AP5Z1: variants seen among roughly 807,000 people sequenced by gnomAD.
The protein encoded by AP5Z1 is AP-5 complex subunit zeta-1.
In AP5Z1, 106 loss-of-function variants were observed where a neutral mutation model predicts 83.0. The ratio of observed to expected loss-of-function variants is 1.28; its 90% CI spans 1.09 to 1.50. AP5Z1 has a LOEUF of 1.50. Ranked by LOEUF, AP5Z1 falls within the 40% of genes most tolerant of loss-of-function variation. The pLI is 0.00. For missense variants in AP5Z1, 1,565 were observed against 1,094.2 expected (o/e 1.43, Z -6.07); for synonymous variants, 751 against 514.1 (o/e 1.46, Z -6.23).
intron 12 of AP5Z1, 111 bp downstream of exon 12, chr7:4,788,405 C>A: frequency 7.7e-7 from 1 of 1,296,108 alleles, no homozygotes; most frequent in East Asian, 2.6e-5. Context: ...GCTTTGTGTC[C>A]CACACAAGGC....
At chr7:4,776,780 G>A (rs1012871459) in intron 1 of AP5Z1, among the ~76,000 whole-genome samples, 1 of 151,954 alleles carries the variant, frequency 6.6e-6, no homozygotes, top group African/African-American at 2.4e-5. Context: ...CAGCACTACA[G>A]CCCCTTGGTA....
rs541159272 is a variant in AP5Z1, at chr7:4,785,309, C to G, written c.932-106C>G. The G allele has an allele frequency of 1.5e-4, 224 of 1,454,666 alleles. 2 individuals carry two copies. In the African/African-American group the frequency reaches 2.8e-3, roughly 18 times the overall value. The allele number at this position is 1,454,666 out of a possible 1,614,324, so 90.1% of individuals were successfully genotyped here. ...AAGTCCTCCTGGGGGCCTGTCCCAC[C>G]CCCCTGCTCCCGGTCCTGCCTGGAG... On this transcript the variant is annotated intron_variant, in intron 7 of 16. Transcript: ENST00000649063.
chr7:4,789,143 T>A, intron 13 of AP5Z1, 192 bp downstream of exon 13: 1 of 550,016 alleles, frequency 1.8e-6, no homozygotes, highest in Non-Finnish European at 3.2e-6. Flanking sequence ...TCCCATCCCC[T>A]TTATTCCAGC....
chr7:4,791,627 G>C lies in AP5Z1; in HGVS notation c.*242G>C. The C allele has an allele frequency of 1.7e-6, 1 of 583,202 alleles. No homozygotes were observed. The highest frequency in any genetic ancestry group is 2.8e-5 in the South Asian group (1 of 35,590). 36.1% of individuals were successfully genotyped at this position (583,202 alleles called of 1,614,324 possible). On this transcript the variant is annotated 3_prime_UTR_variant, in exon 17 of 17. Coordinates refer to ENST00000649063, the MANE Select transcript of AP5Z1 (RefSeq NM_014855.3). ...CTGAGCTGAGGGGTGCCATGGAGCG[G>C]CTCTGATTGGAGGCTTGAGGCCCTG... is the stretch of plus-strand genomic sequence containing the variant.
chr7:4,779,971 G>C (rs1781337022), intron 1 of AP5Z1, among the ~76,000 whole-genome samples: 1 of 151,976 alleles, frequency 6.6e-6, no homozygotes, highest in Admixed American at 6.6e-5. Flanking sequence ...TGTAGAGATG[G>C]GGTCTCACTG....
At position 4,793,233 on chromosome 7, in the gene AP5Z1, G is replaced by A. The variant is rs1384596916; in HGVS notation, c.*1848G>A. The A allele has an allele frequency of 1.3e-5, 2 of 152,308 alleles. No individual in the cohort carries two copies. Among genetic ancestry groups the A allele is most frequent in the Admixed American group, 6.5e-5 (1 of 15,294 alleles). The allele number at this position is 152,308 out of a possible 1,614,324, so 9.4% of individuals were successfully genotyped here. A position where few individuals can be genotyped will look rare whatever the true frequency, so the allele number is the denominator to read the frequency against. ...GGCCTCCAGGAGGCAGCTGGGAAAA[G>A]GGCAAAGCTCACCAGCTCTCAACTT... On this transcript the variant is annotated 3_prime_UTR_variant, in exon 17 of 17. Coordinates refer to ENST00000649063, the MANE Select transcript of AP5Z1 (RefSeq NM_014855.3).
chr7:4,787,282 G>A (rs540357058), intron 10 of AP5Z1, among the ~76,000 whole-genome samples: 1 of 152,056 alleles, frequency 6.6e-6, no homozygotes, highest in African/African-American at 2.4e-5. Flanking sequence ...CTTGAGGCCA[G>A]GAGTTCAAGA....
chr7:4,777,276 C>T (rs1026935463), intron 1 of AP5Z1, among the ~76,000 whole-genome samples: 21 of 152,114 alleles, frequency 1.4e-4, no homozygotes, highest in African/African-American at 4.8e-4. Flanking sequence ...GAAAAACACC[C>T]ACTGAGAACT....
Position 4,787,635 on chromosome 7 carries a change from TC to T in AP5Z1, c.1315del (p.Leu439TrpfsTer38), listed in dbSNP as rs1313447681. The stretch of plus-strand genomic sequence containing the variant: ...CGAACCGCTGTGCTGTGCCCACAGT[TC>T]CTGGCCTGGAACAGCCCACCCCTCA... ...LRLSFPNLFK[F>X]LAWNSPPLTS... On this transcript the variant is annotated frameshift_variant and splice_region_variant, in exon 11 of 17. Transcript: ENST00000649063. LOFTEE classifies it high-confidence loss of function. 7 of 1,551,562 alleles carry T rather than the reference TC, an allele frequency of 4.5e-6. No homozygotes were observed. The highest frequency in any genetic ancestry group is 4.1e-5 in the African/African-American group (3 of 73,132).
intron 7 of AP5Z1, 106 bp from the exon 8 acceptor site, chr7:4,785,309 C>T: frequency 1.4e-6 from 2 of 1,454,664 alleles, no homozygotes; most frequent in South Asian, 1.4e-5. Context: ...CCTGTCCCAC[C>T]CCCCTGCTCC....
chr7:4,785,300 C>A, intron 7 of AP5Z1, 115 bp from the exon 8 acceptor site: 1 of 1,412,740 alleles, frequency 7.1e-7, no homozygotes, highest in Non-Finnish European at 9.5e-7. Flanking sequence ...TCCTGGGGGC[C>A]TGTCCCACCC....
intron 5 of AP5Z1, 104 bp from the exon 6 acceptor site, chr7:4,784,099 T>G (rs372410524): frequency 6.5e-5 from 89 of 1,366,144 alleles, no homozygotes; most frequent in Non-Finnish European, 8.2e-5. Context: ...CCCGGGCTCA[T>G]GTTCAGGCAG....
At chr7:4,787,585 C>A (rs1160187719) in intron 10 of AP5Z1, 49 bp from the exon 11 acceptor site, 3 of 1,525,798 alleles carry the variant, frequency 2.0e-6, no homozygotes, top group East Asian at 2.5e-5. Flanking sequence ...CCTCTGCCGC[C>A]TGCTCCACAG....
rs760734290 is a variant in AP5Z1, at chr7:4,790,688, G to T, written c.1954G>T (p.Glu652Ter). ...LVTSVVWAIGEYLSVTYDRRC... is the reference protein window; with the variant it reads ...LVTSVVWAIG ...CCGGGCCTAGGTGTGGGCCATCGGCGAGTACCTGTCGGTGACCTACGATCG... is the reference window on the plus strand; with the variant it reads ...CCGGGCCTAGGTGTGGGCCATCGGCTAGTACCTGTCGGTGACCTACGATCG... The change falls in exon 16 of 17, where the codon GAG (glutamate) becomes TAG (stop). Residue 652 changes from glutamate (E) to a stop codon, truncating the protein, a stop_gained. Coordinates refer to ENST00000649063, the MANE Select transcript of AP5Z1 (RefSeq NM_014855.3). LOFTEE classifies it high-confidence loss of function. 3.3e-5 allele frequency: 53 copies of T among 1,611,786 alleles called. No homozygotes were observed. Among genetic ancestry groups the T allele is most frequent in the Non-Finnish European group, 4.2e-5 (49 of 1,179,666 alleles).
intron 5 of AP5Z1, 74 bp from the exon 6 acceptor site, chr7:4,784,129 G>A: frequency 2.0e-6 from 3 of 1,486,230 alleles, no homozygotes; most frequent in South Asian, 1.3e-5. Context: ...CACCTCCTGA[G>A]GAGCTTGTGC....
chr7:4,782,772 C>T (rs531161888), intron 3 of AP5Z1, among the ~76,000 whole-genome samples: 1 of 134,168 alleles, frequency 7.5e-6, no homozygotes, highest in Non-Finnish European at 1.7e-5. Flanking sequence ...CCGCCCTTCT[C>T]CTCAAGCAAC....
intron 14 of AP5Z1, 112 bp downstream of exon 14, chr7:4,790,041 C>T (rs1283430125): frequency 2.6e-6 from 3 of 1,134,596 alleles, no homozygotes; most frequent in Non-Finnish European, 3.6e-6. Flanking sequence ...CTAGCTGGGC[C>T]CTCAGCAGCC....
At chr7:4,789,171 C>T in intron 13 of AP5Z1, 1 of 502,532 alleles carries the variant, frequency 2.0e-6, no homozygotes, top group Non-Finnish European at 3.6e-6. Flanking sequence ...GTTCCCCAGT[C>T]CCCGTCCCAT....
intron 3 of AP5Z1, 110 bp from the exon 4 acceptor site, chr7:4,783,206 G>T: frequency 7.0e-7 from 1 of 1,434,980 alleles, no homozygotes; most frequent in East Asian, 2.5e-5. Flanking sequence ...CTGCTAGGCC[G>T]GGGTCTCAGC....
Sources: allele counts gnomAD v4.1 joint callset (sites outside exome capture counted in the v4.1 genomes callset), GRCh38; gene constraint gnomAD v4.1.1; transcripts MANE v1.5; gene names NCBI Gene and HGNC (gene_info 2026-07-23, HGNC 2026-07-21).